The following ARB2A variants were observed in gnomAD, a reference collection of about 807,000 sequenced individuals.
ARB2A encodes the protein ARB2 cotranscriptional regulator A.
At chr5:93,672,195 C>T in the ARB2A span, among the ~76,000 whole-genome samples, 1 of 151,920 alleles carries the variant, frequency 6.6e-6, no homozygotes. Flanking sequence ...TTGGGCATGA[C>T]AATGTTCAAT....
At chr5:93,878,963 A>C in the ARB2A span, among the ~76,000 whole-genome samples, 1 of 152,134 alleles carries the variant, frequency 6.6e-6, no homozygotes, top group Non-Finnish European at 1.5e-5. Context: ...GTTTCCAACT[A>C]TAAAATCAGG....
the ARB2A span, among the ~76,000 whole-genome samples, chr5:93,831,102 G>A: frequency 1.3e-5 from 2 of 152,008 alleles, no homozygotes; most frequent in Non-Finnish European, 2.9e-5. Context: ...CGAGCAATGG[G>A]GAGCAGCTGT....
At chr5:94,032,918 T>C in the ARB2A span, among the ~76,000 whole-genome samples, 3 of 152,220 alleles carry the variant, frequency 2.0e-5, no homozygotes, top group African/African-American at 7.2e-5. Context: ...TGAATTGTAA[T>C]CCCCAAGTGT....
chr5:93,746,270 T>C, the ARB2A span, among the ~76,000 whole-genome samples: 2 of 152,184 alleles, frequency 1.3e-5, no homozygotes, highest in Non-Finnish European at 2.9e-5. Context: ...CAAATCAAGG[T>C]AGTTACTAAA....
chr5:94,003,926 C>T, the ARB2A span, among the ~76,000 whole-genome samples: 1 of 152,098 alleles, frequency 6.6e-6, no homozygotes, highest in South Asian at 2.1e-4. Flanking sequence ...AGAAATTAGT[C>T]AATCCAATTT....
chr5:93,929,748 G>T, the ARB2A span, among the ~76,000 whole-genome samples: 2 of 152,052 alleles, frequency 1.3e-5, no homozygotes, highest in African/African-American at 4.8e-5. Context: ...AAATCAAACA[G>T]AAAAGAAATG....
the ARB2A span, among the ~76,000 whole-genome samples, chr5:93,952,344 C>T: frequency 6.6e-6 from 1 of 152,152 alleles, no homozygotes; most frequent in Admixed American, 6.5e-5. Flanking sequence ...TTGTAGAACA[C>T]GTCTGGTGTG....
chr5:93,705,359 C>CA, the ARB2A span, among the ~76,000 whole-genome samples: 1 of 151,988 alleles, frequency 6.6e-6, no homozygotes, highest in Non-Finnish European at 1.5e-5. Context: ...TTTAATGGTG[C>CA]AAACATTTTA....
At chr5:93,677,747 G>A in the ARB2A span, among the ~76,000 whole-genome samples, 169 of 152,210 alleles carry the variant, frequency 1.1e-3, 1 homozygote, top group African/African-American at 3.6e-3. Context: ...CTCTCCCTGC[G>A]CAAGCTCCCA....
chr5:94,025,671 A>G, the ARB2A span, among the ~76,000 whole-genome samples: 3 of 152,266 alleles, frequency 2.0e-5, no homozygotes, highest in African/African-American at 7.2e-5. Context: ...TTCACCAGTT[A>G]AATATAAATA....
the ARB2A span, among the ~76,000 whole-genome samples, chr5:93,854,441 G>C: frequency 6.6e-6 from 1 of 151,962 alleles, no homozygotes; most frequent in African/African-American, 2.4e-5. Flanking sequence ...AGGGTTTTTT[G>C]TGTCTCTATT....
At chr5:93,846,921 T>C in the ARB2A span, among the ~76,000 whole-genome samples, 4 of 152,326 alleles carry the variant, frequency 2.6e-5, no homozygotes, top group East Asian at 5.8e-4. Context: ...CACCCTTCCA[T>C]GAAAGATTTC....
the ARB2A span, among the ~76,000 whole-genome samples, chr5:94,019,102 G>A: frequency 6.6e-6 from 1 of 152,014 alleles, no homozygotes. Flanking sequence ...GAAAACTGAC[G>A]AGCATATGCA....
At chr5:93,821,023 ATC>A in the ARB2A span, among the ~76,000 whole-genome samples, 13 of 152,180 alleles carry the variant, frequency 8.5e-5, no homozygotes, top group African/African-American at 3.1e-4. Context: ...TTTGAAAAAA[ATC>A]TCTGATTATA....
chr5:93,882,299 G>C, the ARB2A span, among the ~76,000 whole-genome samples: 1 of 151,158 alleles, frequency 6.6e-6, no homozygotes, highest in African/African-American at 2.4e-5. Flanking sequence ...CTCACAGGAG[G>C]CCAGAAAAAT....
the ARB2A span, among the ~76,000 whole-genome samples, chr5:93,957,549 C>T: frequency 6.6e-6 from 1 of 151,898 alleles, no homozygotes. Context: ...ATTTTTGTTA[C>T]TTCAATTCTA....
the ARB2A span, among the ~76,000 whole-genome samples, chr5:93,885,585 A>G: frequency 6.6e-6 from 1 of 151,684 alleles, no homozygotes; most frequent in South Asian, 2.1e-4. Flanking sequence ...CAAAGCATAC[A>G]TAAAGTTGTT....
At chr5:93,999,882 C>T in the ARB2A span, among the ~76,000 whole-genome samples, 48 of 152,162 alleles carry the variant, frequency 3.2e-4, no homozygotes, top group East Asian at 7.9e-3. Flanking sequence ...TTGCCTTTTC[C>T]AAAATACCAT....
the ARB2A span, among the ~76,000 whole-genome samples, chr5:94,008,555 T>C: frequency 6.6e-6 from 1 of 152,162 alleles, no homozygotes; most frequent in Non-Finnish European, 1.5e-5. Flanking sequence ...GCAAAGTCTG[T>C]GATGAATTAT....
Sources: gnomAD v4.1 joint callset for allele counts (sites outside exome capture counted in the v4.1 genomes callset) on GRCh38, gnomAD v4.1.1 for gene constraint, MANE v1.5 for transcripts, NCBI Gene and HGNC (gene_info 2026-07-23, HGNC 2026-07-21) for gene names.